The following RABGAP1 variants were observed in gnomAD, a reference collection of about 807,000 sequenced individuals.
The protein encoded by RABGAP1 is rab GTPase-activating protein 1.
RABGAP1 carries 23 observed loss-of-function variants against 137.6 expected under a neutral mutation model. The ratio of observed to expected loss-of-function variants is 0.17; its 90% CI spans 0.12 to 0.24. RABGAP1 has a LOEUF of 0.24. Among genes scored for constraint, RABGAP1 ranks in the 10% least tolerant of loss-of-function variants. The pLI, the probability that RABGAP1 is intolerant of heterozygous loss-of-function variation, is 1.00. For synonymous variants in RABGAP1, 451 were observed against 450.7 expected, an observed-to-expected ratio of 1.00 and a Z score of -0.01; for missense variants, 906 against 1,275.8, an observed-to-expected ratio of 0.71 and a Z score of 4.42.
chr9:122,984,683 C>T lies in RABGAP1; in HGVS notation c.349C>T (p.Pro117Ser). 1 of 1,614,172 alleles carries T rather than the reference C, an allele frequency of 6.2e-7. No homozygotes were observed. Among genetic ancestry groups the T allele is most frequent in the South Asian group, 1.1e-5 (1 of 91,088 alleles). ...TGTGCCATTAGTAGGGCTCCAAAAA[C>T]CAGAGATGAGCCTACCAGTGAAACC... ...NPVPLVGLQK[P>S]EMSLPVKPGQ... is the part of the protein sequence containing the mutation. The change falls in exon 3 of 26, where the codon CCA (proline) becomes TCA (serine). Residue 117 changes from proline (P) to serine (S), a missense_variant. Physicochemically the swap from Pro to Ser is moderately conservative, Grantham distance 74. Coordinates refer to ENST00000373647, the MANE Select transcript of RABGAP1 (RefSeq NM_012197.4).
In RABGAP1 at chr9:123,099,524, A is replaced by G; in HGVS notation, c.2864A>G (p.Asn955Ser). The change falls in exon 24 of 26, where the codon AAT becomes AGT. Residue 955 changes from asparagine (N) to serine (S), a missense_variant. By Grantham distance (46) the Asn-to-Ser change is conservative. Around this residue, in one of 9 missense-constraint regions of RABGAP1, gnomAD observed 193 missense variants for 248.1 expected, o/e 0.78. Transcript: ENST00000373647. Reference sequence around the variant, plus strand: ...AGATTGGAGAAGCAGCAGACAGCCAATAAGGTGGAAATTGAGAAAATTCGG... The same window carrying G: ...AGATTGGAGAAGCAGCAGACAGCCAGTAAGGTGGAAATTGAGAAAATTCGG... Reference protein sequence around the residue: ...SERLEKQQTANKVEIEKIRQK... With the variant: ...SERLEKQQTASKVEIEKIRQK... The G allele has an allele frequency of 1.9e-6, 3 of 1,612,758 alleles. No individual in the cohort carries two copies. The highest frequency in any genetic ancestry group is 2.2e-5 in the South Asian group (2 of 91,046).
intron 13 of RABGAP1, among the ~76,000 whole-genome samples, chr9:123,049,563 C>G (rs539843847): frequency 4.0e-4 from 61 of 152,154 alleles, no homozygotes; most frequent in Non-Finnish European, 7.2e-4. Flanking sequence ...AAACAAAATA[C>G]TCTTATTGTA....
intron 19 of RABGAP1, among the ~76,000 whole-genome samples, chr9:123,080,948 C>G (rs2034687545): frequency 6.6e-6 from 1 of 152,136 alleles, no homozygotes. Context: ...CCAACTATGC[C>G]TCCTGTCTCC....
chr9:123,057,586 G>A (rs1001442485), intron 13 of RABGAP1, among the ~76,000 whole-genome samples: 17 of 151,782 alleles, frequency 1.1e-4, no homozygotes, highest in African/African-American at 3.4e-4. Context: ...GCCAGGCAGA[G>A]GGGCTCCTCA....
intron 15 of RABGAP1, among the ~76,000 whole-genome samples, chr9:123,072,917 G>C (rs1295034300): frequency 1.3e-5 from 2 of 152,060 alleles, no homozygotes; most frequent in Non-Finnish European, 2.9e-5. Flanking sequence ...ATCTTGCCAA[G>C]TTCTCAGGGA....
intron 13 of RABGAP1, among the ~76,000 whole-genome samples, chr9:123,059,001 C>T (rs1164729625): frequency 3.9e-5 from 6 of 152,168 alleles, no homozygotes; most frequent in Non-Finnish European, 8.8e-5. Context: ...CTACTTACTA[C>T]ATGGTTCAAG....
intron 13 of RABGAP1, chr9:123,020,746 C>T: frequency 3.8e-6 from 1 of 262,134 alleles, no homozygotes; most frequent in Non-Finnish European, 5.9e-6. Context: ...TTGTGCTATG[C>T]AATGTGTAAA....
intron 13 of RABGAP1, among the ~76,000 whole-genome samples, chr9:123,043,986 C>T (rs552528428): frequency 5.5e-4 from 83 of 151,258 alleles, no homozygotes; most frequent in African/African-American, 1.7e-3. Context: ...CTGCAAGCTC[C>T]GCCTCCCGGG....
At chr9:122,996,339 T>G in intron 7 of RABGAP1, 188 bp downstream of exon 7, 2 of 1,193,160 alleles carry the variant, frequency 1.7e-6, no homozygotes, top group Non-Finnish European at 2.3e-6. Flanking sequence ...TAATACGCTC[T>G]CTTCAACTAT....
At chr9:122,972,334 A>G (rs371045899) in intron 2 of RABGAP1, among the ~76,000 whole-genome samples, 3 of 152,134 alleles carry the variant, frequency 2.0e-5, no homozygotes, top group Admixed American at 6.6e-5. Flanking sequence ...GATTAAAACT[A>G]TTTCTCTTGA....
At chr9:123,013,691 C>T (rs1027008140) in intron 11 of RABGAP1, among the ~76,000 whole-genome samples, 1 of 152,160 alleles carries the variant, frequency 6.6e-6, no homozygotes, top group Non-Finnish European at 1.5e-5. Context: ...CACATTCTAT[C>T]ATCTTCTGTG....
intron 19 of RABGAP1, among the ~76,000 whole-genome samples, chr9:123,080,776 A>G (rs564688836): frequency 6.6e-6 from 1 of 152,326 alleles, no homozygotes; most frequent in African/African-American, 2.4e-5. Context: ...GAATTTACAA[A>G]GGTAACTTTT....
intron 13 of RABGAP1, among the ~76,000 whole-genome samples, chr9:123,048,715 C>T (rs1363200629): frequency 6.6e-6 from 1 of 152,210 alleles, no homozygotes; most frequent in Non-Finnish European, 1.5e-5. Flanking sequence ...TACCTTCCCC[C>T]TTTGACTATC....
chr9:123,021,460 A>G (rs1453462176), intron 13 of RABGAP1, among the ~76,000 whole-genome samples: 1 of 151,494 alleles, frequency 6.6e-6, no homozygotes, highest in Non-Finnish European at 1.5e-5. Context: ...AGAAGCTGGG[A>G]TTACAGGTGC....
At chr9:122,983,784 C>G (rs1365372685) in intron 2 of RABGAP1, among the ~76,000 whole-genome samples, 1 of 152,082 alleles carries the variant, frequency 6.6e-6, no homozygotes, top group Non-Finnish European at 1.5e-5. Context: ...TGTGGTTTTC[C>G]TTGGCATTGG....
intron 6 of RABGAP1, 43 bp from the exon 7 acceptor site, chr9:122,995,998 A>G: frequency 5.2e-6 from 8 of 1,547,944 alleles, no homozygotes; most frequent in African/African-American, 4.2e-5. Context: ...AGTATGTGAC[A>G]AGAAAATGCT....
chr9:123,076,592 T>G (rs371054905), intron 18 of RABGAP1, 42 bp from the exon 19 acceptor site: 7 of 1,562,816 alleles, frequency 4.5e-6, no homozygotes, highest in Non-Finnish European at 6.0e-6. Context: ...TGCATCCTTA[T>G]AGCAACACAT....
intron 21 of RABGAP1, among the ~76,000 whole-genome samples, chr9:123,094,331 G>A (rs898649431): frequency 1.8e-4 from 27 of 152,258 alleles, no homozygotes; most frequent in African/African-American, 5.1e-4. Context: ...TAGGTTTTTC[G>A]TAGAGTAGGT....
Position 123,020,354 on chromosome 9 carries a change from A to G in RABGAP1, c.1689A>G (p.Val563=). Residue 563 remains valine (V), a synonymous_variant, in exon 13 of 26, where the codon GTA becomes GTG. Coordinates refer to ENST00000373647, the MANE Select transcript of RABGAP1 (RefSeq NM_012197.4). ...NVRPKQLSSL[V]RNGVPEALRG... Reference sequence around the variant, plus strand: ...GACCGAAGCAGTTGTCATCCTTAGTAAGAAACGGTGTCCCTGAAGCTCTTC... The same window carrying G: ...GACCGAAGCAGTTGTCATCCTTAGTGAGAAACGGTGTCCCTGAAGCTCTTC... 6.2e-7 allele frequency: 1 copy of G among 1,601,554 alleles called. No homozygotes were observed. Among genetic ancestry groups the G allele is most frequent in the Non-Finnish European group, 8.5e-7 (1 of 1,173,358 alleles).
Sources: gnomAD v4.1 joint callset for allele counts (sites outside exome capture counted in the v4.1 genomes callset) on GRCh38, gnomAD v4.1.1 for gene constraint, gnomAD v4.1.1 regional missense constraint, MANE v1.5 for transcripts, NCBI Gene and HGNC (gene_info 2026-07-23, HGNC 2026-07-21) for gene names.